Variants in SDK1 observed in about 807,000 individuals in gnomAD.
SDK1 encodes protein sidekick-1.
In SDK1, 157 loss-of-function variants were observed where a neutral mutation model predicts 245.5. The observed-to-expected ratio is 0.64, with a 90% confidence interval of 0.56 to 0.73. The LOEUF (loss-of-function observed/expected upper bound fraction) is 0.73. SDK1 is among the 30% of genes least tolerant of loss of function. The pLI is 0.00. For synonymous variants in SDK1, 1,647 were observed against 1,278.5 expected (o/e 1.29, Z -6.15); for missense variants, 3,583 against 3,002.3 (o/e 1.19, Z -4.52).
At chr7:4,049,545 T>G in intron 18 of SDK1, 82 bp downstream of exon 18, 1 of 1,035,866 alleles carries the variant, frequency 9.7e-7, no homozygotes, top group Non-Finnish European at 1.5e-6. Context: ...CACCCCCTCT[T>G]GTGTATCAAG....
At chr7:4,239,584 G>A (rs4723519) in intron 42 of SDK1, among the ~76,000 whole-genome samples, 28,698 of 152,032 alleles carry the variant, frequency 0.19, 3,048 homozygotes, top group Non-Finnish European at 0.24. Flanking sequence ...GGCTGGTCTC[G>A]AACTCCAGGG....
At chr7:4,222,451 C>A (rs1033604472) in intron 40 of SDK1, among the ~76,000 whole-genome samples, 1 of 152,114 alleles carries the variant, frequency 6.6e-6, no homozygotes, top group Non-Finnish European at 1.5e-5. Flanking sequence ...CCCGCCATCA[C>A]GCCCGGCTAA....
chr7:4,143,764 A>T (rs1244782773), intron 28 of SDK1, among the ~76,000 whole-genome samples: 1 of 151,938 alleles, frequency 6.6e-6, no homozygotes, highest in East Asian at 1.9e-4. Context: ...AAGAGTAGGC[A>T]CCCATGGGGC....
At position 4,241,884 on chromosome 7, in the gene SDK1, G is replaced by T. The variant is rs1786544872; in HGVS notation, c.6222G>T (p.Lys2074Asn). The change falls in exon 43 of 45, where the codon AAG becomes AAT. Residue 2074 changes from lysine to asparagine, a missense_variant. Transcript: ENST00000404826. Reference protein sequence around the residue: ...LELSSRHLNVKSTFSKKNGTR... With the variant: ...LELSSRHLNVNSTFSKKNGTR... ...TCAGCAGCCGCCACCTCAATGTCAA[G>T]AGCACCTTCTCCAAGAAGAACGGGA... 1.9e-6 allele frequency: 3 copies of T among 1,613,850 alleles called. No individual in the cohort carries two copies. Among genetic ancestry groups the T allele is most frequent in the Non-Finnish European group, 2.5e-6 (3 of 1,180,042 alleles).
At position 4,265,535 on chromosome 7, in the gene SDK1, A is replaced by C. The variant is rs185553117; in HGVS notation, c.*151A>C. 7.4e-7 allele frequency: 1 copy of C among 1,346,062 alleles called. No individual in the cohort carries two copies. Among genetic ancestry groups the C allele is most frequent in the East Asian group, 3.0e-5 (1 of 33,190 alleles). 83.4% of individuals were successfully genotyped at this position (1,346,062 alleles called of 1,614,324 possible). On this transcript the variant is annotated 3_prime_UTR_variant, in exon 45 of 45. Transcript: ENST00000404826. ...ATGATTTTACCTACTTGTGGACACTAGATTTCAATTAGGAAGGTTTTTTTA... is the reference window on the plus strand; with the variant it reads ...ATGATTTTACCTACTTGTGGACACTCGATTTCAATTAGGAAGGTTTTTTTA...
chr7:4,007,726 C>A (rs747084330), intron 14 of SDK1, among the ~76,000 whole-genome samples: 2 of 152,138 alleles, frequency 1.3e-5, no homozygotes, highest in Non-Finnish European at 2.9e-5. Context: ...GTCTCAGCCT[C>A]CTGAGTAGCT....
chr7:4,157,608 C>T (rs577652794), intron 30 of SDK1, among the ~76,000 whole-genome samples: 4 of 152,140 alleles, frequency 2.6e-5, no homozygotes, highest in Admixed American at 6.5e-5. Context: ...ACATGAGTCC[C>T]GTTAAAATCT....
At chr7:3,984,645 C>T (rs562550129) in intron 13 of SDK1, among the ~76,000 whole-genome samples, 1 of 152,234 alleles carries the variant, frequency 6.6e-6, no homozygotes, top group African/African-American at 2.4e-5. Context: ...GGCTGTACAA[C>T]CCTCTCCTGC....
chr7:3,519,260 G>T (rs1278504227), intron 1 of SDK1, among the ~76,000 whole-genome samples: 1 of 152,084 alleles, frequency 6.6e-6, no homozygotes, highest in Non-Finnish European at 1.5e-5. Context: ...AATGATTATG[G>T]TTTAAATATG....
intron 1 of SDK1, among the ~76,000 whole-genome samples, chr7:3,412,363 C>A (rs1460757938): frequency 6.6e-6 from 1 of 152,168 alleles, no homozygotes; most frequent in Non-Finnish European, 1.5e-5. Context: ...ATATATTCTT[C>A]TGCACCTTGC....
At chr7:4,227,382 A>C (rs746179209) in intron 40 of SDK1, 5 of 471,088 alleles carry the variant, frequency 1.1e-5, no homozygotes, top group Admixed American at 7.0e-5. Context: ...CTTAACATGC[A>C]ATGCATTTTG....
At chr7:3,419,572 G>A (rs1562476003) in intron 1 of SDK1, among the ~76,000 whole-genome samples, 1 of 152,190 alleles carries the variant, frequency 6.6e-6, no homozygotes, top group African/African-American at 2.4e-5. Flanking sequence ...GGATTCTTCT[G>A]TAGCAGGAGC....
chr7:4,227,855 G>C (rs764867527), intron 40 of SDK1, among the ~76,000 whole-genome samples: 1 of 152,234 alleles, frequency 6.6e-6, no homozygotes, highest in Non-Finnish European at 1.5e-5. Context: ...GACATTGTCT[G>C]GGAACAGATG....
intron 17 of SDK1, among the ~76,000 whole-genome samples, chr7:4,019,887 G>C (rs192707771): frequency 6.6e-6 from 1 of 152,148 alleles, no homozygotes; most frequent in African/African-American, 2.4e-5. Context: ...TTTAAGCCTG[G>C]TGTGGAAACA....
chr7:3,589,222 G>A lies in SDK1; in HGVS notation c.299-29858G>A, dbSNP rs1222543331. On this transcript the variant is annotated intron_variant, in intron 1 of 44. Transcript: ENST00000404826. The stretch of plus-strand genomic sequence containing the variant: ...TTGGTACTGATCTCACAGTTGGTGC[G>A]GACTCTTTGATGTCAGTACTGATCT... 6.6e-5 allele frequency among the ~76,000 whole-genome samples: 10 copies of A among 152,208 alleles called. No homozygotes were observed. The South Asian group carries it at 1.5e-3, about 22-fold the overall frequency.
chr7:3,644,797 A>AAAAAAAAC lies in SDK1; in HGVS notation c.713+2694_713+2695insAAAAACAA, dbSNP rs1554301839. ...CCAAAAAAAAAAAAAAAAAAACAAA[A>AAAAAAAAC]AACAACAACAACGGCGGGGCAGGGG... On this transcript the variant is annotated intron_variant, in intron 4 of 44. Transcript: ENST00000404826. Among the ~76,000 whole-genome samples, 103 of 131,610 alleles carry AAAAAAAAC rather than the reference A, an allele frequency of 7.8e-4. 3 individuals are homozygous for AAAAAAAAC. Among genetic ancestry groups the AAAAAAAAC allele is most frequent in the Middle Eastern group, 4.3e-3 (1 of 230 alleles). The allele number at this position is 131,610 out of a possible 152,430, so 86.3% of individuals were successfully genotyped here.
chr7:3,950,886 T>TA lies in SDK1; in HGVS notation c.848-36dup, dbSNP rs781292046. The TA allele has an allele frequency of 2.6e-6, 4 of 1,545,664 alleles. No homozygotes were observed. In the African/African-American group the frequency reaches 4.1e-5, roughly 16 times the overall value. ...TAACGGCGGGGGGTGCTCCTGTACT[T>TA]AGAGTTTCATGGACATTTCTCTTTT... On this transcript the variant is annotated intron_variant, in intron 5 of 44. Transcript: ENST00000404826.
At chr7:3,766,130 T>C (rs1780247000) in intron 4 of SDK1, among the ~76,000 whole-genome samples, 1 of 152,170 alleles carries the variant, frequency 6.6e-6, no homozygotes, top group Admixed American at 6.5e-5. Context: ...AAACTTCATG[T>C]TTGAGGATTG....
chr7:4,067,091 T>C lies in SDK1; in HGVS notation c.2912-747T>C, dbSNP rs186715046. Among the ~76,000 whole-genome samples, 3 of 152,344 alleles carry C rather than the reference T, an allele frequency of 2.0e-5. No homozygotes were observed. In the East Asian group the frequency reaches 5.8e-4, roughly 29 times the overall value. On this transcript the variant is annotated intron_variant, in intron 19 of 44. Coordinates refer to ENST00000404826, the MANE Select transcript of SDK1 (RefSeq NM_152744.4). ...CATGTTTTATTACAATTTATTCTTATAATTGTCTCGCTGAGTTATTTTTAT... is the reference window on the plus strand; with the variant it reads ...CATGTTTTATTACAATTTATTCTTACAATTGTCTCGCTGAGTTATTTTTAT...
Sources: gnomAD v4.1 joint callset for allele counts (sites outside exome capture counted in the v4.1 genomes callset) on GRCh38, gnomAD v4.1.1 for gene constraint, MANE v1.5 for transcripts, NCBI Gene and HGNC (gene_info 2026-07-23, HGNC 2026-07-21) for gene names.